The following NBPF20 variants were observed in gnomAD, a reference collection of about 807,000 sequenced individuals.
NBPF20 encodes NBPF member 20, also known as NBPF family member NBPF20.
A neutral mutation model predicts 68.1 loss-of-function variants in NBPF20; 90 were observed. The observed-to-expected ratio is 1.32, with a 90% CI of 1.11 to 1.58. The LOEUF (loss-of-function observed/expected upper bound fraction) is 1.58. NBPF20 is among the 40% of genes most tolerant of loss of function. The pLI is 0.00. For synonymous variants in NBPF20, 290 were observed against 228.1 expected (o/e 1.27, Z -2.45); for missense variants, 816 against 601.2 (o/e 1.36, Z -3.74).
exon 138 of NBPF20, chr1:145,291,454 T>A (rs1355051619): frequency 4.3e-6 from 7 of 1,611,912 alleles, no homozygotes; most frequent in South Asian, 2.2e-5. Context: ...GGAACTGTAC[T>A]TTCATTCAAA....
chr1:145,393,775 A>G (rs1662065080), intron 9 of NBPF20, 109 bp downstream of exon 14: 6 of 1,466,792 alleles, frequency 4.1e-6, no homozygotes, highest in Admixed American at 1.7e-5. Flanking sequence ...CATAATTCAG[A>G]CTTGTCTGAC....
At chr1:145,393,728 A>C (rs1331628059) in intron 9 of NBPF20, 156 bp downstream of exon 14, 2 of 1,505,514 alleles carry the variant, frequency 1.3e-6, no homozygotes, top group South Asian at 1.1e-5. Flanking sequence ...AAACCTAAAC[A>C]TGTACTCTAA....
chr1:145,415,344 G>T, the NBPF20 span, among the ~76,000 whole-genome samples: 1 of 151,132 alleles, frequency 6.6e-6, no homozygotes, highest in Non-Finnish European at 1.5e-5. Flanking sequence ...GGGACGAGCC[G>T]GAGACAGATG....
At chr1:145,400,913 C>G in intron 5 of NBPF20, 146 bp downstream of exon 10, 3 of 1,046,986 alleles carry the variant, frequency 2.9e-6, no homozygotes, top group Non-Finnish European at 4.5e-6. Context: ...GCTGCCGCAC[C>G]CTGTGTCTAA....
At chr1:145,407,585 A>T (rs1398560473), upstream of NBPF20, among the ~76,000 whole-genome samples, 6 of 145,998 alleles carry the variant, frequency 4.1e-5, no homozygotes, top group Non-Finnish European at 8.9e-5. Context: ...GTATATATAT[A>T]TTATATATAT....
At chr1:145,397,842 C>G (rs1220689555) in intron 7 of NBPF20, among the ~76,000 whole-genome samples, 9 of 152,260 alleles carry the variant, frequency 5.9e-5, no homozygotes, top group African/African-American at 1.9e-4. Flanking sequence ...GGAAACCCAT[C>G]TCACATGCAG....
chr1:145,291,383 T>C (rs1314358407), exon 138 of NBPF20: 4 of 1,565,020 alleles, frequency 2.6e-6, no homozygotes, highest in East Asian at 4.5e-5. Context: ...GCCACTGGCA[T>C]GGTTTGAGAA....
the NBPF20 span, among the ~76,000 whole-genome samples, chr1:145,411,607 G>T: frequency 1.0e-5 from 1 of 98,552 alleles, no homozygotes; most frequent in South Asian, 3.3e-4. Context: ...AGGCATGATG[G>T]TCTCCATCTC....
chr1:145,418,968 A>T, the NBPF20 span, among the ~76,000 whole-genome samples: 5 of 134,748 alleles, frequency 3.7e-5, no homozygotes, highest in Non-Finnish European at 7.9e-5. Flanking sequence ...TGGTCTATTT[A>T]AAAAAGTAGA....
chr1:145,291,543 C>T (rs1553657573), exon 138 of NBPF20: 14 of 1,611,906 alleles, frequency 8.7e-6, no homozygotes, highest in Non-Finnish European at 1.2e-5. Flanking sequence ...GGGAATATGA[C>T]TCCCATCTGG....
the NBPF20 span, among the ~76,000 whole-genome samples, chr1:145,421,692 A>G: frequency 6.6e-6 from 1 of 152,246 alleles, no homozygotes; most frequent in East Asian, 1.9e-4. Context: ...ATTCATAAAT[A>G]ATAGCTGTAA....
upstream of NBPF20, chr1:145,407,879 C>G (rs2101602311): frequency 6.3e-6 from 1 of 158,026 alleles, no homozygotes; most frequent in African/African-American, 2.4e-5. Context: ...TCCTCAACAT[C>G]ACGCCAGCTG....
At chr1:145,410,816 G>GTATATA in the NBPF20 span, among the ~76,000 whole-genome samples, 4 of 117,118 alleles carry the variant, frequency 3.4e-5, no homozygotes, top group Admixed American at 1.8e-4. Context: ...ATATATATAC[G>GTATATA]TATATATATA....
At chr1:145,366,503 G>C (rs1661694923) in intron 43 of NBPF20, among the ~76,000 whole-genome samples, 151 bp from the exon 49 acceptor site, 1 of 72,836 alleles carries the variant, frequency 1.4e-5, no homozygotes, top group Non-Finnish European at 2.6e-5. Flanking sequence ...TTCATGTTGG[G>C]ACAGAACAGG....
At chr1:145,396,884 C>T (rs1233774361) in intron 7 of NBPF20, among the ~76,000 whole-genome samples, 6 of 131,902 alleles carry the variant, frequency 4.5e-5, no homozygotes, top group Non-Finnish European at 8.0e-5. Flanking sequence ...CATCATTTAA[C>T]ATTAGGTATA....
At chr1:145,417,362 A>G in the NBPF20 span, among the ~76,000 whole-genome samples, 131 of 147,904 alleles carry the variant, frequency 8.9e-4, no homozygotes, top group African/African-American at 3.0e-3. Flanking sequence ...AAGAATCCTA[A>G]GAGATAAAAT....
At chr1:145,396,374 T>G (rs1662239123) in intron 7 of NBPF20, among the ~76,000 whole-genome samples, 1 of 151,088 alleles carries the variant, frequency 6.6e-6, no homozygotes, top group African/African-American at 2.4e-5. Context: ...AATCTACATT[T>G]GATTGGTGTA....
At chr1:145,423,779 G>T in the NBPF20 span, among the ~76,000 whole-genome samples, 1 of 152,022 alleles carries the variant, frequency 6.6e-6, no homozygotes, top group Non-Finnish European at 1.5e-5. Context: ...GCATCAGCAA[G>T]GATGTGGGGT....
chr1:145,424,044 C>T, the NBPF20 span, among the ~76,000 whole-genome samples: 649 of 145,738 alleles, frequency 4.5e-3, 3 homozygotes, highest in African/African-American at 0.016. Flanking sequence ...GCCATGATCA[C>T]GGCTCACTGC....
Sources: gnomAD v4.1 joint callset for allele counts (sites outside exome capture counted in the v4.1 genomes callset) on GRCh38, gnomAD v4.1.1 for gene constraint, MANE v1.5 for transcripts, NCBI Gene and HGNC (gene_info 2026-07-23, HGNC 2026-07-21) for gene names.